TEX11: variants seen among roughly 807,000 people sequenced by gnomAD.
The protein encoded by TEX11 is testis-expressed protein 11.
Under a neutral mutation model 84.4 loss-of-function variants are expected in TEX11, and 7 were observed. The ratio of observed to expected loss-of-function variants is 0.08; its 90% CI spans 0.05 to 0.16. The LOEUF is 0.16. TEX11 is among the 10% of genes least tolerant of loss of function. The pLI, the probability that TEX11 is intolerant of heterozygous loss-of-function variation, is 1.00. For missense variants in TEX11, 551 were observed against 660.5 expected, an observed-to-expected ratio of 0.83 and a Z score of 1.82; for synonymous variants, 264 against 222.8, an observed-to-expected ratio of 1.18 and a Z score of -1.64.
chrX:70,518,613 G>A, the TEX11 span, among the ~76,000 whole-genome samples: 4 of 111,888 alleles, frequency 3.6e-5, no homozygotes, highest in African/African-American at 9.8e-5. Context: ...ATTTGGGGTG[G>A]AGAGTTCTGT....
chrX:70,838,602 G>A (rs1470442732), intron 7 of TEX11, among the ~76,000 whole-genome samples: 7 of 112,056 alleles, frequency 6.2e-5, no homozygotes, highest in African/African-American at 1.9e-4. Context: ...CTGAGGTACC[G>A]GGTTCATCTC....
intron 2 of TEX11, among the ~76,000 whole-genome samples, chrX:70,903,013 C>T (rs777874799): frequency 1.8e-5 from 2 of 111,673 alleles, no homozygotes; most frequent in South Asian, 7.5e-4. Context: ...TAGGCCTACA[C>T]AGGCTCAGGA....
At chrX:70,780,728 C>T (rs2091033615) in intron 9 of TEX11, among the ~76,000 whole-genome samples, 1 of 112,745 alleles carries the variant, frequency 8.9e-6, no homozygotes, top group Non-Finnish European at 1.9e-5. Flanking sequence ...TGAGTTCTAA[C>T]TGCAAGGCTG....
chrX:70,839,621 T>C (rs1429981060), intron 7 of TEX11, among the ~76,000 whole-genome samples: 5 of 111,493 alleles, frequency 4.5e-5, no homozygotes, highest in African/African-American at 1.6e-4. Flanking sequence ...TCACCAGCAA[T>C]GGAACAAAGC....
At chrX:70,838,938 G>A (rs111593323) in intron 7 of TEX11, among the ~76,000 whole-genome samples, 1,986 of 112,365 alleles carry the variant, frequency 0.018, 44 homozygotes, top group African/African-American at 0.061. Context: ...GGCTCGGGGA[G>A]GGGCACCCAC....
chrX:70,552,890 A>G (rs1420458047), intron 27 of TEX11, among the ~76,000 whole-genome samples: 1 of 111,415 alleles, frequency 9.0e-6, no homozygotes, highest in Non-Finnish European at 1.9e-5. Context: ...AGGAGTTTGA[A>G]TCCAGCCTGG....
intron 28 of TEX11, among the ~76,000 whole-genome samples, chrX:70,547,683 G>A (rs2088150453): frequency 1.8e-5 from 2 of 112,015 alleles, no homozygotes; most frequent in South Asian, 7.4e-4. Flanking sequence ...CATCATCACT[G>A]GCCATCAGAG....
intron 27 of TEX11, 88 bp from the exon 28 acceptor site, chrX:70,552,334 A>G: frequency 9.4e-7 from 1 of 1,065,102 alleles, no homozygotes; most frequent in Non-Finnish European, 1.3e-6. Context: ...ATCTCATCCC[A>G]GACTAACAGC....
intron 13 of TEX11, among the ~76,000 whole-genome samples, chrX:70,705,520 G>A (rs1157436760): frequency 9.9e-5 from 11 of 111,329 alleles, no homozygotes; most frequent in Non-Finnish European, 2.1e-4. Flanking sequence ...GAGTGAACAG[G>A]CAACCTACAG....
intron 13 of TEX11, among the ~76,000 whole-genome samples, chrX:70,702,542 A>G (rs2090335034): frequency 8.9e-6 from 1 of 112,006 alleles, no homozygotes; most frequent in Non-Finnish European, 1.9e-5. Context: ...GTGTTCTGGA[A>G]CCAAATGCAT....
chrX:70,618,305 T>C (rs968449523), intron 20 of TEX11, among the ~76,000 whole-genome samples: 5 of 111,259 alleles, frequency 4.5e-5, no homozygotes, highest in African/African-American at 1.6e-4. Flanking sequence ...TTGATATCCA[T>C]CAGAAGAATC....
chrX:70,769,971 A>C (rs974039548), intron 9 of TEX11, among the ~76,000 whole-genome samples: 2 of 111,555 alleles, frequency 1.8e-5, no homozygotes, highest in African/African-American at 6.5e-5. Context: ...TGTTATCCTC[A>C]TTCCATGCCT....
intron 25 of TEX11, among the ~76,000 whole-genome samples, chrX:70,571,445 C>T (rs750496845): frequency 8.9e-6 from 1 of 112,464 alleles, no homozygotes; most frequent in African/African-American, 3.2e-5. Flanking sequence ...CTTAGATCAT[C>T]AATTTTCAAC....
intron 8 of TEX11, among the ~76,000 whole-genome samples, chrX:70,809,649 A>G (rs2091240257): frequency 8.9e-6 from 1 of 111,919 alleles, no homozygotes; most frequent in Non-Finnish European, 1.9e-5. Flanking sequence ...TGAGATAAAA[A>G]TAAGTCCAAA....
chrX:70,613,178 G>A (rs780995896), intron 20 of TEX11, among the ~76,000 whole-genome samples: 1 of 111,614 alleles, frequency 9.0e-6, no homozygotes, highest in Admixed American at 9.5e-5. Context: ...CCCCACCGTA[G>A]GAACACCAAA....
intron 9 of TEX11, among the ~76,000 whole-genome samples, chrX:70,760,363 A>C (rs1352594062): frequency 8.9e-6 from 1 of 111,881 alleles, no homozygotes; most frequent in African/African-American, 3.2e-5. Flanking sequence ...ACTTCAAACT[A>C]TATTACAAGG....
chrX:70,755,211 G>A (rs987784712), intron 9 of TEX11, among the ~76,000 whole-genome samples: 12 of 112,129 alleles, frequency 1.1e-4, no homozygotes, highest in South Asian at 3.7e-4. Context: ...GAGGAAACTC[G>A]AAGAAATTCA....
At chrX:70,608,072 G>A (rs767289357) in intron 22 of TEX11, among the ~76,000 whole-genome samples, 29 of 111,524 alleles carry the variant, frequency 2.6e-4, no homozygotes, top group South Asian at 7.6e-4. Context: ...AACTGCCTCC[G>A]CAAGTTTTAA....
chrX:70,729,567 A>T (rs898049677), intron 11 of TEX11, among the ~76,000 whole-genome samples: 8 of 112,028 alleles, frequency 7.1e-5, no homozygotes, highest in Non-Finnish European at 1.3e-4. Context: ...CAGTGATGGA[A>T]GATCAAATGA....
Sources: gnomAD v4.1 joint callset for allele counts (sites outside exome capture counted in the v4.1 genomes callset) on GRCh38, gnomAD v4.1.1 for gene constraint, MANE v1.5 for transcripts, NCBI Gene and HGNC (gene_info 2026-07-23, HGNC 2026-07-21) for gene names.